CCDC33: variants seen among roughly 807,000 people sequenced by gnomAD.
CCDC33 encodes coiled-coil domain-containing protein 33.
CCDC33 carries 94 observed loss-of-function variants against 91.9 expected under a neutral mutation model. The ratio of observed to expected loss-of-function variants is 1.02; its 90% CI spans 0.87 to 1.21. The LOEUF is 1.21. Among genes scored for constraint, CCDC33 ranks in the 50% most tolerant of loss-of-function variants. The pLI, the probability that CCDC33 is intolerant of heterozygous loss-of-function variation, is 0.00. For synonymous variants in CCDC33, 396 were observed against 374.5 expected, an observed-to-expected ratio of 1.06 and a Z score of -0.66; for missense variants, 940 against 935.5, an observed-to-expected ratio of 1.00 and a Z score of -0.06.
intron 2 of CCDC33, among the ~76,000 whole-genome samples, chr15:74,219,589 G>A (rs2074535439): frequency 6.6e-6 from 1 of 152,190 alleles, no homozygotes. Context: ...CTATGGTCCT[G>A]TAGGGCATGC....
intron 1 of CCDC33, among the ~76,000 whole-genome samples, chr15:74,241,062 C>G (rs1171040363): frequency 6.6e-6 from 1 of 152,220 alleles, no homozygotes; most frequent in African/African-American, 2.4e-5. Context: ...TCTGGCTGCT[C>G]CTCCTCCTTC....
chr15:74,256,686 T>C (rs2075876016), intron 2 of CCDC33, among the ~76,000 whole-genome samples: 1 of 152,152 alleles, frequency 6.6e-6, no homozygotes, highest in Non-Finnish European at 1.5e-5. Context: ...CAGCGGCCCT[T>C]CCTGACCCTG....
At chr15:74,215,523 G>A (rs2074417539), upstream of CCDC33, among the ~76,000 whole-genome samples, 4 of 152,078 alleles carry the variant, frequency 2.6e-5, no homozygotes, top group Admixed American at 2.6e-4. Flanking sequence ...TACATTTTAT[G>A]TTATGTGTAT....
chr15:74,221,848 C>T (rs999859824), intron 2 of CCDC33, among the ~76,000 whole-genome samples: 1 of 152,110 alleles, frequency 6.6e-6, no homozygotes, highest in Non-Finnish European at 1.5e-5. Flanking sequence ...CCACTACACT[C>T]GTCCCACCCC....
chr15:74,336,238 T>G, downstream of CCDC33: 1 of 1,423,358 alleles, frequency 7.0e-7, no homozygotes, highest in Middle Eastern at 1.9e-4. Flanking sequence ...TGCTGCAGCC[T>G]TACAGCCTCC....
intron 1 of CCDC33, among the ~76,000 whole-genome samples, chr15:74,206,677 A>G (rs939170305): frequency 2.6e-5 from 4 of 152,186 alleles, no homozygotes; most frequent in Non-Finnish European, 4.4e-5. Context: ...GCAGTCTTGC[A>G]GGCTCCCTGG....
chr15:74,207,987 G>A, intron 1 of CCDC33: 2 of 1,417,022 alleles, frequency 1.4e-6, no homozygotes, highest in South Asian at 1.5e-5. Flanking sequence ...GGGAGGGTCA[G>A]AAGCACCATC....
At chr15:74,239,512 T>C (rs1456737078) in intron 1 of CCDC33, among the ~76,000 whole-genome samples, 2 of 152,218 alleles carry the variant, frequency 1.3e-5, no homozygotes, top group East Asian at 3.8e-4. Context: ...GCACTGGAGT[T>C]AGCAGCTTCC....
At chr15:74,227,372 A>G (rs933544594) in intron 2 of CCDC33, among the ~76,000 whole-genome samples, 1 of 152,214 alleles carries the variant, frequency 6.6e-6, no homozygotes, top group Non-Finnish European at 1.5e-5. Flanking sequence ...CCCATGCAGC[A>G]CTAATGCTGG....
At chr15:74,292,671 G>T (rs2142575041) in intron 10 of CCDC33, among the ~76,000 whole-genome samples, 1 of 152,332 alleles carries the variant, frequency 6.6e-6, no homozygotes, top group African/African-American at 2.4e-5. Flanking sequence ...TGGGAATGTG[G>T]GCAGAGACCT....
chr15:74,222,963 G>A (rs1294011356), intron 2 of CCDC33, among the ~76,000 whole-genome samples: 2 of 151,832 alleles, frequency 1.3e-5, no homozygotes, highest in African/African-American at 2.4e-5. Context: ...TTTATTGCTC[G>A]CGATTGCATA....
chr15:74,210,910 C>A (rs2074358010), intron 2 of CCDC33, among the ~76,000 whole-genome samples: 1 of 152,170 alleles, frequency 6.6e-6, no homozygotes. Context: ...GGATCTCAGG[C>A]AGCCATCTTG....
chr15:74,255,439 G>T (rs1017250479), intron 2 of CCDC33, among the ~76,000 whole-genome samples: 1 of 152,236 alleles, frequency 6.6e-6, no homozygotes, highest in African/African-American at 2.4e-5. Context: ...GGGAGGGCAG[G>T]CTGTGGCCTA....
chr15:74,331,356 G>A (rs1448930288), intron 15 of CCDC33, 60 bp downstream of exon 15: 1 of 1,554,384 alleles, frequency 6.4e-7, no homozygotes, highest in Non-Finnish European at 8.8e-7. Context: ...TGGAGGCCCT[G>A]CCTTCCTGGA....
At chr15:74,226,499 G>A (rs2074801394) in intron 2 of CCDC33, among the ~76,000 whole-genome samples, 1 of 152,120 alleles carries the variant, frequency 6.6e-6, no homozygotes, top group South Asian at 2.1e-4. Context: ...TGCCTCTATG[G>A]TGGGGTGGGA....
intron 1 of CCDC33, chr15:74,217,652 C>T (rs1158691997): frequency 9.0e-6 from 10 of 1,109,088 alleles, no homozygotes; most frequent in Non-Finnish European, 1.1e-5. Context: ...TTTCTGGGAC[C>T]CCAGAGAGCC....
At chr15:74,258,189 T>C (rs1284687956) in intron 2 of CCDC33, among the ~76,000 whole-genome samples, 1 of 152,206 alleles carries the variant, frequency 6.6e-6, no homozygotes, top group African/African-American at 2.4e-5. Context: ...GGTCTGCTCC[T>C]TATCCACTAT....
chr15:74,275,266 T>A (rs2076421595), intron 7 of CCDC33, among the ~76,000 whole-genome samples: 1 of 152,236 alleles, frequency 6.6e-6, no homozygotes, highest in Admixed American at 6.5e-5. Flanking sequence ...AGCTGCTCCT[T>A]TCTCCAGACT....
intron 1 of CCDC33, among the ~76,000 whole-genome samples, chr15:74,238,983 T>TAA (rs1337073820): frequency 6.6e-6 from 1 of 152,200 alleles, no homozygotes; most frequent in African/African-American, 2.4e-5. Flanking sequence ...CTGGCCGCCA[T>TAA]AACTCTCAGG....
Sources: allele counts gnomAD v4.1 joint callset (sites outside exome capture counted in the v4.1 genomes callset), GRCh38; gene constraint gnomAD v4.1.1; transcripts MANE v1.5; gene names NCBI Gene and HGNC (gene_info 2026-07-23, HGNC 2026-07-21).